Variants in EEA1 observed in about 807,000 individuals in gnomAD.
The protein encoded by EEA1 is early endosome antigen 1, also known as early endosome antigen 1, 162kD.
EEA1 carries 111 observed loss-of-function variants against 209.2 expected under a neutral mutation model. The observed-to-expected ratio is 0.53, with a 90% CI of 0.45 to 0.62. The LOEUF (loss-of-function observed/expected upper bound fraction) is 0.62, where lower values mean the gene tolerates loss of function less well. EEA1 is among the 20% of genes least tolerant of loss of function. The pLI, the probability that EEA1 is intolerant of heterozygous loss-of-function variation, is 0.00. For synonymous variants in EEA1, 536 were observed against 540.6 expected, an observed-to-expected ratio of 0.99 and a Z score of 0.12; for missense variants, 1,343 against 1,530.8, an observed-to-expected ratio of 0.88 and a Z score of 2.05.
At position 92,857,416 on chromosome 12, in the gene EEA1, A is replaced by C; in HGVS notation, c.300+15T>G. 1 of 1,589,094 alleles carries C rather than the reference A, an allele frequency of 6.3e-7. No individual in the cohort carries two copies. Among genetic ancestry groups the C allele is most frequent in the South Asian group, 1.2e-5 (1 of 85,588 alleles). On this transcript the variant is annotated intron_variant, in intron 4 of 28. Transcript: ENST00000322349. ...AACACTGAAAATAAAAAGGTATAAC[A>C]ATTTTTATTCTTACCTTAAGTGAAG...
chr12:92,875,254 A>G (rs1878833596), intron 2 of EEA1, among the ~76,000 whole-genome samples: 1 of 152,002 alleles, frequency 6.6e-6, no homozygotes, highest in South Asian at 2.1e-4. Context: ...GATCAAGACT[A>G]TCCTGGCCAA....
intron 13 of EEA1, among the ~76,000 whole-genome samples, chr12:92,825,857 G>C (rs1195645617): frequency 6.7e-6 from 1 of 149,010 alleles, no homozygotes; most frequent in Non-Finnish European, 1.5e-5. Context: ...TGATTTAATA[G>C]ATAAATCTAA....
chr12:92,882,396 C>A (rs886294238), intron 2 of EEA1, among the ~76,000 whole-genome samples: 5 of 151,882 alleles, frequency 3.3e-5, no homozygotes, highest in Non-Finnish European at 5.9e-5. Context: ...CATGAGTCAC[C>A]GTACCTGGCA....
chr12:92,787,271 C>G (rs986565557), intron 22 of EEA1, among the ~76,000 whole-genome samples: 32 of 152,070 alleles, frequency 2.1e-4, no homozygotes, highest in African/African-American at 7.5e-4. Flanking sequence ...TTCCATTTTC[C>G]TTAGAAAACT....
intron 21 of EEA1, among the ~76,000 whole-genome samples, chr12:92,797,073 G>T (rs1874684421): frequency 6.6e-6 from 1 of 151,750 alleles, no homozygotes; most frequent in African/African-American, 2.4e-5. Context: ...TTTAAATTTT[G>T]GGTGTTTTGG....
At chr12:92,843,394 A>G (rs1877255964) in intron 9 of EEA1, among the ~76,000 whole-genome samples, 1 of 152,112 alleles carries the variant, frequency 6.6e-6, no homozygotes, top group South Asian at 2.1e-4. Context: ...CCTGGGCTCA[A>G]GCGACTCTCC....
Position 92,779,239 on chromosome 12 carries a change from C to A in EEA1, c.3530G>T (p.Gly1177Val), listed in dbSNP as rs907636154. The A allele has an allele frequency of 6.2e-7, 1 of 1,609,216 alleles. No homozygotes were observed. Among genetic ancestry groups the A allele is most frequent in the Admixed American group, 1.7e-5 (1 of 58,740 alleles). Residue 1177 changes from glycine to valine, a missense_variant, in exon 25 of 29, where the codon GGA becomes GTA. Physicochemically the swap from Gly to Val is moderately radical, Grantham distance 109 (BLOSUM62 -3). Coordinates refer to ENST00000322349, the MANE Select transcript of EEA1 (RefSeq NM_003566.4). Reference protein sequence around the residue: ...LLIQQKLELQGKADSLKAAVE... With the variant: ...LLIQQKLELQVKADSLKAAVE... ...AGCTGCCTTCAGGGAGTCCGCTTTTCCTTGAAGTTCTAATTTCTGCTGAAT... is the reference window on the plus strand; with the variant it reads ...AGCTGCCTTCAGGGAGTCCGCTTTTACTTGAAGTTCTAATTTCTGCTGAAT...
At chr12:92,814,760 G>A (rs797019747) in intron 15 of EEA1, among the ~76,000 whole-genome samples, 2 of 152,112 alleles carry the variant, frequency 1.3e-5, no homozygotes, top group East Asian at 3.8e-4. Context: ...CCTCATACAT[G>A]TGCATAATAA....
At chr12:92,828,101 A>C (rs973284860) in intron 11 of EEA1, 40 bp from the exon 12 acceptor site, 5 of 1,417,500 alleles carry the variant, frequency 3.5e-6, no homozygotes, top group Non-Finnish European at 4.7e-6. Context: ...CATATGTACA[A>C]ACACACACAC....
At chr12:92,886,242 C>G (rs559243471) in intron 2 of EEA1, among the ~76,000 whole-genome samples, 2 of 148,894 alleles carry the variant, frequency 1.3e-5, no homozygotes, top group South Asian at 4.3e-4. Flanking sequence ...TGGCACATGC[C>G]TATAATCTCA....
At chr12:92,898,721 CTTTTTTTCCCT>C (rs1565856307) in intron 1 of EEA1, among the ~76,000 whole-genome samples, 1 of 133,584 alleles carries the variant, frequency 7.5e-6, no homozygotes, top group African/African-American at 2.8e-5. Flanking sequence ...TTTTTTTTTC[CTTTTTTTCCCT>C]TTTTTTTTTT....
At chr12:92,838,236 A>T (rs989276193) in intron 10 of EEA1, among the ~76,000 whole-genome samples, 1 of 152,136 alleles carries the variant, frequency 6.6e-6, no homozygotes, top group African/African-American at 2.4e-5. Flanking sequence ...ATATACATAC[A>T]CACAACACAC....
intron 18 of EEA1, among the ~76,000 whole-genome samples, chr12:92,804,907 A>C (rs1180728163): frequency 2.0e-5 from 3 of 152,210 alleles, no homozygotes; most frequent in African/African-American, 7.2e-5. Context: ...GTAGTACTCC[A>C]GAAATGTGAG....
At chr12:92,885,289 C>G (rs764130271) in intron 2 of EEA1, among the ~76,000 whole-genome samples, 2 of 152,054 alleles carry the variant, frequency 1.3e-5, no homozygotes, top group Non-Finnish European at 2.9e-5. Context: ...AGCTTTCACC[C>G]TGAATATTTC....
At position 92,811,299 on chromosome 12, in the gene EEA1, C is replaced by A; in HGVS notation, c.2179G>T (p.Glu727Ter). 1 of 1,569,692 alleles carries A rather than the reference C, an allele frequency of 6.4e-7. No individual in the cohort carries two copies. The stretch of plus-strand genomic sequence containing the variant: ...CAAACCTTAATTTGACCTTCTAGCT[C>A]TTCGGTTTTCTGTTCTAAAGAGAGG... ...KYLSLEQKTE[E>*]LEGQIKKLEA... Residue 727 changes from glutamate (E) to a stop codon, truncating the protein, a stop_gained, in exon 17 of 29, where the codon GAG becomes TAG. Coordinates refer to ENST00000322349, the MANE Select transcript of EEA1 (RefSeq NM_003566.4). LOFTEE classifies it high-confidence loss of function.
chr12:92,864,147 T>A (rs545676326), intron 3 of EEA1, among the ~76,000 whole-genome samples: 1 of 152,304 alleles, frequency 6.6e-6, no homozygotes, highest in African/African-American at 2.4e-5. Flanking sequence ...ACATTATCTA[T>A]CAACCACAAA....
chr12:92,834,603 A>C (rs2136695246), intron 10 of EEA1, among the ~76,000 whole-genome samples: 1 of 150,860 alleles, frequency 6.6e-6, no homozygotes, highest in African/African-American at 2.4e-5. Context: ...AGACAGACTT[A>C]AAAGTAAGAA....
chr12:92,919,435 G>C (rs1482864299), intron 1 of EEA1, among the ~76,000 whole-genome samples: 1 of 135,286 alleles, frequency 7.4e-6, no homozygotes, highest in Non-Finnish European at 1.6e-5. Context: ...TGCAAGGCTG[G>C]TTCAATATAC....
intron 23 of EEA1, among the ~76,000 whole-genome samples, chr12:92,780,716 CTATCTTTA>C (rs1873867708): frequency 6.6e-6 from 1 of 152,126 alleles, no homozygotes; most frequent in Non-Finnish European, 1.5e-5. Flanking sequence ...ATTACTATCA[CTATCTTTA>C]TATAAGGTAT....
Sources: gnomAD v4.1 joint callset for allele counts (sites outside exome capture counted in the v4.1 genomes callset) on GRCh38, gnomAD v4.1.1 for gene constraint, MANE v1.5 for transcripts, NCBI Gene and HGNC (gene_info 2026-07-23, HGNC 2026-07-21) for gene names.